Variants in MEGF11 observed in about 807,000 individuals in gnomAD.
MEGF11 encodes the protein multiple epidermal growth factor-like domains protein 11.
Under a neutral mutation model 146.6 loss-of-function variants are expected in MEGF11, and 126 were observed. That is an observed-to-expected ratio of 0.86 (90% CI 0.74 to 1.00). The LOEUF is 1.00. Among genes scored for constraint, MEGF11 ranks in the 50% least tolerant of loss-of-function variants. The pLI is 0.00. For synonymous variants in MEGF11, 532 were observed against 583.4 expected (o/e 0.91, Z 1.27); for missense variants, 1,509 against 1,521.2 (o/e 0.99, Z 0.13).
intron 1 of MEGF11, among the ~76,000 whole-genome samples, chr15:66,131,853 T>C (rs1445735500): frequency 6.6e-6 from 1 of 152,202 alleles, no homozygotes; most frequent in Non-Finnish European, 1.5e-5. Context: ...CTCTTCCCAG[T>C]GACACAGCTC....
At chr15:66,117,401 G>T (rs183472790) in intron 4 of MEGF11, among the ~76,000 whole-genome samples, 2 of 152,158 alleles carry the variant, frequency 1.3e-5, no homozygotes, top group South Asian at 2.1e-4. Context: ...GGAGTAAGTC[G>T]GAAGGTATAA....
At chr15:66,183,419 G>A (rs993085606) in intron 1 of MEGF11, among the ~76,000 whole-genome samples, 23 of 151,910 alleles carry the variant, frequency 1.5e-4, no homozygotes, top group African/African-American at 5.3e-4. Flanking sequence ...AGAATCGCTT[G>A]AATCCAGGAG....
intron 5 of MEGF11, among the ~76,000 whole-genome samples, chr15:66,030,984 G>A (rs965014700): frequency 5.3e-5 from 8 of 152,184 alleles, no homozygotes; most frequent in African/African-American, 1.9e-4. Context: ...TTTAGGTCCT[G>A]CCTGCACTTG....
At chr15:66,147,001 A>G (rs2089397471) in intron 1 of MEGF11, among the ~76,000 whole-genome samples, 1 of 152,218 alleles carries the variant, frequency 6.6e-6, no homozygotes, top group Non-Finnish European at 1.5e-5. Flanking sequence ...CAAGGCAGGC[A>G]TAATGTGGAC....
chr15:66,172,900 T>A (rs917120860), intron 1 of MEGF11, among the ~76,000 whole-genome samples: 1 of 152,086 alleles, frequency 6.6e-6, no homozygotes, highest in Non-Finnish European at 1.5e-5. Flanking sequence ...CTCTGTCTAA[T>A]GAGACTTCAC....
intron 1 of MEGF11, among the ~76,000 whole-genome samples, chr15:66,135,469 G>T (rs1428434154): frequency 1.3e-5 from 2 of 152,240 alleles, no homozygotes; most frequent in African/African-American, 2.4e-5. Flanking sequence ...TGCTCGAGGG[G>T]AGGTGGGAAT....
At chr15:66,167,933 C>A (rs1386134181) in intron 1 of MEGF11, among the ~76,000 whole-genome samples, 2 of 152,174 alleles carry the variant, frequency 1.3e-5, no homozygotes, top group South Asian at 2.1e-4. Flanking sequence ...CCTTTCCCCC[C>A]TGAACCCCTG....
At chr15:66,137,453 G>A (rs892126258) in intron 1 of MEGF11, among the ~76,000 whole-genome samples, 1 of 152,224 alleles carries the variant, frequency 6.6e-6, no homozygotes, top group Admixed American at 6.5e-5. Flanking sequence ...CGGGCATACG[G>A]TGTGCGTGTG....
chr15:66,233,955 T>TTC (rs1451030717), intron 1 of MEGF11, among the ~76,000 whole-genome samples: 1 of 148,174 alleles, frequency 6.7e-6, no homozygotes, highest in East Asian at 2.0e-4. Flanking sequence ...CTTTTTCTTT[T>TTC]TTTTTTTTTT....
chr15:66,240,893 A>G (rs933860481), intron 1 of MEGF11, among the ~76,000 whole-genome samples: 3 of 152,194 alleles, frequency 2.0e-5, no homozygotes, highest in African/African-American at 4.8e-5. Flanking sequence ...GGCATCAGAA[A>G]TATTATTAAG....
chr15:66,056,538 C>T (rs765716917), intron 5 of MEGF11, among the ~76,000 whole-genome samples: 30 of 152,260 alleles, frequency 2.0e-4, no homozygotes, highest in Admixed American at 8.5e-4. Flanking sequence ...CAGCATTGGG[C>T]CTACAACTCG....
chr15:65,969,178 A>C (rs1212391041), intron 8 of MEGF11, among the ~76,000 whole-genome samples: 2 of 152,162 alleles, frequency 1.3e-5, no homozygotes, highest in Non-Finnish European at 2.9e-5. Flanking sequence ...CGACAGCACC[A>C]ATGAGCTAGG....
intron 5 of MEGF11, among the ~76,000 whole-genome samples, chr15:65,991,306 C>G (rs1343555161): frequency 6.6e-6 from 1 of 152,152 alleles, no homozygotes; most frequent in African/African-American, 2.4e-5. Flanking sequence ...CTCTAATTTT[C>G]TTACTAATCC....
chr15:66,078,153 G>A (rs774414292), intron 5 of MEGF11, among the ~76,000 whole-genome samples: 2 of 152,178 alleles, frequency 1.3e-5, no homozygotes, highest in Non-Finnish European at 2.9e-5. Context: ...CTTGGGCCAG[G>A]TACTGAACCT....
intron 5 of MEGF11, among the ~76,000 whole-genome samples, chr15:66,089,094 A>G (rs4601990): frequency 0.95 from 145,463 of 152,354 alleles, 69,666 homozygotes; most frequent in Middle Eastern, 1. Context: ...GTTTAGGAGC[A>G]TAGGCATATT....
Position 65,928,414 on chromosome 15 carries a change from G to A in MEGF11, c.1675+11C>T, listed in dbSNP as rs2079449563. The A allele has an allele frequency of 5.1e-6, 8 of 1,571,040 alleles. No homozygotes were observed. Among genetic ancestry groups the A allele is most frequent in the African/African-American group, 1.4e-5 (1 of 73,948 alleles). On this transcript the variant is annotated intron_variant, in intron 13 of 25. Transcript: ENST00000395614. ...CAGTACCTGGGTGGTGGCACAGCAA[G>A]GGAAGGTTACCTGTCCATCCGGCCA...
chr15:66,253,019 G>A (rs955211953), intron 1 of MEGF11, among the ~76,000 whole-genome samples: 1 of 152,240 alleles, frequency 6.6e-6, no homozygotes, highest in African/African-American at 2.4e-5. Context: ...AAGAAATAGG[G>A]GGATACACGT....
chr15:66,211,523 CA>C (rs10709815), intron 1 of MEGF11, among the ~76,000 whole-genome samples: 82,653 of 91,694 alleles, frequency 0.9, 37,008 homozygotes, highest in East Asian at 0.96. Flanking sequence ...GACTCAGTCT[CA>C]AAAAAAAAAA....
chr15:66,123,024 A>C (rs143670406), intron 3 of MEGF11, among the ~76,000 whole-genome samples: 2,336 of 152,124 alleles, frequency 0.015, 66 homozygotes, highest in African/African-American at 0.052. Flanking sequence ...ACCTTGTGAT[A>C]CGCCCACCTC....
Sources: allele counts gnomAD v4.1 joint callset (sites outside exome capture counted in the v4.1 genomes callset), GRCh38; gene constraint gnomAD v4.1.1; transcripts MANE v1.5; gene names NCBI Gene and HGNC (gene_info 2026-07-23, HGNC 2026-07-21).